Variants in GEN1 observed in about 807,000 individuals in gnomAD.
GEN1 encodes the protein flap endonuclease GEN homolog 1.
GEN1 carries 64 observed loss-of-function variants against 67.6 expected under a neutral mutation model. The observed-to-expected ratio is 0.95, with a 90% CI of 0.77 to 1.17. The LOEUF (loss-of-function observed/expected upper bound fraction) is 1.17, where lower values mean the gene tolerates loss of function less well. GEN1 is among the 50% of genes most tolerant of loss of function. The pLI, the probability that GEN1 is intolerant of heterozygous loss-of-function variation, is 0.00. For synonymous variants in GEN1, 371 were observed against 359.4 expected (o/e 1.03, Z -0.37); for missense variants, 1,058 against 1,048.3 (o/e 1.01, Z -0.13).
In GEN1 at chr2:17,781,189, T is replaced by C; in HGVS notation, c.1977T>C (p.His659=). The change falls in exon 14 of 14, where the codon CAT becomes CAC. Residue 659 remains histidine (H), a synonymous_variant. Transcript: ENST00000381254. ...EDSDGISPEE[H]LLSGITDLCL... The stretch of plus-strand genomic sequence containing the variant: ...CTGATGGGATTAGTCCTGAAGAGCA[T>C]CTACTTTCTGGCATTACTGATTTAT... The C allele has an allele frequency of 6.2e-7, 1 of 1,613,844 alleles. No individual in the cohort carries two copies. The highest frequency in any genetic ancestry group is 1.1e-5 in the South Asian group (1 of 91,066).
Position 17,781,226 on chromosome 2 carries a change from T to G in GEN1, c.2014T>G (p.Leu672Val). Residue 672 changes from leucine to valine, a missense_variant, in exon 14 of 14, where the codon TTG (leucine) becomes GTG (valine). By Grantham distance (32) the Leu-to-Val change is conservative. Coordinates refer to ENST00000381254, the MANE Select transcript of GEN1 (RefSeq NM_001130009.3). ...CATTACTGATTTATGTCTTCAGGATTTGCCTTTAAAGGAACGAATATTTAC... is the reference window on the plus strand; with the variant it reads ...CATTACTGATTTATGTCTTCAGGATGTGCCTTTAAAGGAACGAATATTTAC... Reference protein sequence around the residue: ...SGITDLCLQDLPLKERIFTKL... With the variant: ...SGITDLCLQDVPLKERIFTKL... The G allele has an allele frequency of 1.2e-6, 2 of 1,613,654 alleles. No individual in the cohort carries two copies. Among genetic ancestry groups the G allele is most frequent in the Non-Finnish European group, 1.7e-6 (2 of 1,179,618 alleles).
At chr2:17,772,860 A>C in intron 8 of GEN1, 76 bp downstream of exon 8, 1 of 1,333,300 alleles carries the variant, frequency 7.5e-7, no homozygotes, top group Non-Finnish European at 1.0e-6. Context: ...ATTTCCATAT[A>C]ATCTTTCCCC....
intron 11 of GEN1, 145 bp downstream of exon 11, chr2:17,774,546 C>A: frequency 2.0e-6 from 1 of 494,906 alleles, no homozygotes; most frequent in South Asian, 3.6e-5. Context: ...GGCTTATAAT[C>A]AGAACAACAT....
chr2:17,786,750 T>C lies in GEN1; in HGVS notation c.*4811T>C, dbSNP rs1390070308. ...TTATAAATGTTGAGTTCAGGGTTTTTTTTTTCATTGTTTCCCAAACTAGAA... is the reference window on the plus strand; with the variant it reads ...TTATAAATGTTGAGTTCAGGGTTTTCTTTTTCATTGTTTCCCAAACTAGAA... On this transcript the variant is annotated 3_prime_UTR_variant, in exon 14 of 14. Coordinates refer to ENST00000381254, the MANE Select transcript of GEN1 (RefSeq NM_001130009.3). The C allele has an allele frequency of 6.6e-6, 1 of 152,224 alleles. No individual in the cohort carries two copies. The highest frequency in any genetic ancestry group is 6.5e-5 in the Admixed American group (1 of 15,284). The allele number at this position is 152,224 out of a possible 1,614,324, so 9.4% of individuals were successfully genotyped here.
chr2:17,762,238 G>A (rs1572393197), intron 3 of GEN1, among the ~76,000 whole-genome samples: 2 of 123,818 alleles, frequency 1.6e-5, no homozygotes, highest in African/African-American at 6.3e-5. Context: ...GTCTCGCTCT[G>A]TCACCCAGGC....
chr2:17,773,109 T>G lies in GEN1; in HGVS notation c.967T>G (p.Cys323Gly). ...ENNIKKKACC[C>G]EGFPFHEVIQ... ...TTTTTTTTTCAGGAAAGCTTGCTGT[T>G]GTGAGGGATTCCCATTCCATGAGGT... is the stretch of plus-strand genomic sequence containing the variant. Residue 323 changes from cysteine to glycine, a missense_variant, in exon 9 of 14, where the codon TGT becomes GGT. By Grantham distance (159) the Cys-to-Gly change is radical. Coordinates refer to ENST00000381254, the MANE Select transcript of GEN1 (RefSeq NM_001130009.3). 1 of 1,583,016 alleles carries G rather than the reference T, an allele frequency of 6.3e-7. No individual in the cohort carries two copies. Among genetic ancestry groups the G allele is most frequent in the East Asian group, 2.2e-5 (1 of 44,584 alleles).
chr2:17,770,125 A>G (rs551045726), intron 6 of GEN1, among the ~76,000 whole-genome samples: 16 of 152,288 alleles, frequency 1.1e-4, no homozygotes, highest in Admixed American at 9.2e-4. Flanking sequence ...ATCATTTGGG[A>G]ATTGTAAAAA....
At chr2:17,757,618 C>T (rs1671492547) in intron 1 of GEN1, among the ~76,000 whole-genome samples, 1 of 152,128 alleles carries the variant, frequency 6.6e-6, no homozygotes. Context: ...CTGGCCAACT[C>T]CACAGGACTA....
In GEN1 at chr2:17,786,650, TTA is replaced by T. The variant is rs1173090988; in HGVS notation, c.*4713_*4714del. ...CATGAGTGAAAACAATTCTCTGTAT[TTA>T]TGTTTCCATACATCATTCAGTTCTT... On this transcript the variant is annotated 3_prime_UTR_variant, in exon 14 of 14. Transcript: ENST00000381254. The T allele has an allele frequency of 3.3e-5, 5 of 152,216 alleles. No individual in the cohort carries two copies. Among genetic ancestry groups the T allele is most frequent in the Admixed American group, 6.5e-5 (1 of 15,288 alleles). 9.4% of individuals were successfully genotyped at this position (152,216 alleles called of 1,614,324 possible).
At position 17,787,049 on chromosome 2, in the gene GEN1, G is replaced by A. The variant is rs190842539; in HGVS notation, c.*5110G>A. The A allele has an allele frequency of 6.6e-6, 1 of 152,234 alleles. No individual in the cohort carries two copies. The highest frequency in any genetic ancestry group is 2.4e-5 in the African/African-American group (1 of 41,534). 9.4% of individuals were successfully genotyped at this position (152,234 alleles called of 1,614,324 possible). ...TGGCTCTAGCCACCTAAGACCATTT[G>A]TTATTCCCTGCACGGATGTCTCTGC... is the stretch of plus-strand genomic sequence containing the variant. On this transcript the variant is annotated 3_prime_UTR_variant, in exon 14 of 14. Coordinates refer to ENST00000381254, the MANE Select transcript of GEN1 (RefSeq NM_001130009.3).
rs866550804 is a variant in GEN1 at position 17,778,369 on chromosome 2, T to C, written c.1264+306T>C. ...ACACATGTGTGTACATATATGTATATACACACACATATATGTGTGTACATA... is the reference window on the plus strand; with the variant it reads ...ACACATGTGTGTACATATATGTATACACACACACATATATGTGTGTACATA... On this transcript the variant is annotated intron_variant, in intron 12 of 13. Coordinates refer to ENST00000381254, the MANE Select transcript of GEN1 (RefSeq NM_001130009.3). 2.6e-3 allele frequency among the ~76,000 whole-genome samples: 109 copies of C among 41,842 alleles called. 17 individuals are homozygous for C. The highest frequency in any genetic ancestry group is 9.5e-3 in the African/African-American group (96 of 10,076). 27.4% of individuals were successfully genotyped at this position (41,842 alleles called of 152,430 possible).
intron 1 of GEN1, chr2:17,755,117 T>C (rs1026198971): frequency 2.6e-5 from 4 of 152,244 alleles, no homozygotes; most frequent in Admixed American, 2.0e-4. Context: ...AGTAATCACA[T>C]ATATATTATA....
intron 11 of GEN1, 80 bp downstream of exon 11, chr2:17,774,481 C>A: frequency 8.1e-7 from 1 of 1,228,758 alleles, no homozygotes. Context: ...TATCTTTAAG[C>A]TCGTTTTTGT....
At position 17,778,206 on chromosome 2, in the gene GEN1, GTA is replaced by G. The variant is rs142517754; in HGVS notation, c.1264+151_1264+152del. The G allele has an allele frequency of 0.064, 26,164 of 408,614 alleles. 1,817 individuals are homozygous for G. Among genetic ancestry groups the G allele is most frequent in the African/African-American group, 0.16 (6,428 of 40,106 alleles). The allele number at this position is 408,614 out of a possible 1,614,324, so 25.3% of individuals were successfully genotyped here. The stretch of plus-strand genomic sequence containing the variant: ...TATATATACACACACACATATATGT[GTA>G]TATATATGTATACACACACATATAT... On this transcript the variant is annotated intron_variant, in intron 12 of 13. Transcript: ENST00000381254.
At position 17,778,290 on chromosome 2, in the gene GEN1, ATGTG is replaced by A. The variant is rs1190270390; in HGVS notation, c.1264+233_1264+236del. On this transcript the variant is annotated intron_variant, in intron 12 of 13. Transcript: ENST00000381254. ...TGTACATATATGTATATACACACAC[ATGTG>A]TGTGTACATATATGTATATACACAC... Among the ~76,000 whole-genome samples, 6 of 46,298 alleles carry A rather than the reference ATGTG, an allele frequency of 1.3e-4. 2 individuals are homozygous for A. The highest frequency in any genetic ancestry group is 2.2e-4 in the African/African-American group (4 of 18,478). 30.4% of individuals were successfully genotyped at this position (46,298 alleles called of 152,430 possible).
chr2:17,780,785 T>A lies in GEN1; in HGVS notation c.1573T>A (p.Ser525Thr), dbSNP rs762639310. 6.2e-7 allele frequency: 1 copy of A among 1,613,942 alleles called. No homozygotes were observed. The highest frequency in any genetic ancestry group is 1.1e-5 in the South Asian group (1 of 91,064). The change falls in exon 14 of 14, where the codon TCA becomes ACA. Residue 525 changes from serine (S) to threonine (T), a missense_variant. Coordinates refer to ENST00000381254, the MANE Select transcript of GEN1 (RefSeq NM_001130009.3). Reference protein sequence around the residue: ...PTLPQESISASLNSLLLPKNT... With the variant: ...PTLPQESISATLNSLLLPKNT... ...ATTACCACAGGAATCTATTTCTGCC[T>A]CATTGAATAGCTTGCTTTTACCTAA...
At chr2:17,777,637 T>C (rs1672498942) in intron 11 of GEN1, among the ~76,000 whole-genome samples, 1 of 152,274 alleles carries the variant, frequency 6.6e-6, no homozygotes, top group East Asian at 1.9e-4. Flanking sequence ...ATATTCAGCT[T>C]ACAAGGTACA....
Position 17,781,541 on chromosome 2 carries a change from C to A in GEN1, c.2329C>A (p.His777Asn). 1 of 1,613,800 alleles carries A rather than the reference C, an allele frequency of 6.2e-7. No individual in the cohort carries two copies. Among genetic ancestry groups the A allele is most frequent in the Non-Finnish European group, 8.5e-7 (1 of 1,179,938 alleles). ...TAGACCACCAAATACTGCTTTAGATCATAGTAGAAAAGTTGATATGCAAAC... is the reference window on the plus strand; with the variant it reads ...TAGACCACCAAATACTGCTTTAGATAATAGTAGAAAAGTTGATATGCAAAC... ...NVRPPNTALD[H>N]SRKVDMQTTR... Residue 777 changes from histidine (H) to asparagine (N), a missense_variant, in exon 14 of 14, where the codon CAT becomes AAT. Coordinates refer to ENST00000381254, the MANE Select transcript of GEN1 (RefSeq NM_001130009.3).
intron 7 of GEN1, 41 bp from the exon 8 acceptor site, chr2:17,772,593 A>G (rs1672241116): frequency 1.9e-6 from 3 of 1,551,948 alleles, no homozygotes; most frequent in Admixed American, 4.1e-5. Flanking sequence ...AGTAATTATA[A>G]AAGGCAAAAA....
Sources: allele counts gnomAD v4.1 joint callset (sites outside exome capture counted in the v4.1 genomes callset), GRCh38; gene constraint gnomAD v4.1.1; transcripts MANE v1.5; gene names NCBI Gene and HGNC (gene_info 2026-07-23, HGNC 2026-07-21).